ZBBX: variants seen among roughly 807,000 people sequenced by gnomAD.
ZBBX encodes the protein zinc finger B-box domain-containing protein 1.
Under a neutral mutation model 108.5 loss-of-function variants are expected in ZBBX, and 101 were observed. The observed-to-expected ratio is 0.93, with a 90% CI of 0.79 to 1.10. The LOEUF (loss-of-function observed/expected upper bound fraction) is 1.10. ZBBX is among the 50% of genes least tolerant of loss of function. The pLI, the probability that ZBBX is intolerant of heterozygous loss-of-function variation, is 0.00. For missense variants in ZBBX, 1,009 were observed against 941.4 expected, an observed-to-expected ratio of 1.07 and a Z score of -0.94; for synonymous variants, 356 against 323.4, an observed-to-expected ratio of 1.10 and a Z score of -1.08.
At chr3:167,406,680 TGGACGTAGCTA>T (rs1457568499) in intron 1 of ZBBX, among the ~76,000 whole-genome samples, 32 of 152,330 alleles carry the variant, frequency 2.1e-4, no homozygotes, top group African/African-American at 7.5e-4. Flanking sequence ...TTGAACACCA[TGGACGTAGCTA>T]GGAAAGTAGT....
chr3:167,348,367 A>AGAAAGAAAGAAG (rs1742027352), intron 9 of ZBBX, among the ~76,000 whole-genome samples: 1 of 148,638 alleles, frequency 6.7e-6, no homozygotes. Context: ...AAAGAAAGAA[A>AGAAAGAAAGAAG]GAAAAAAAAG....
chr3:167,383,914 G>A (rs901854842), upstream of ZBBX, among the ~76,000 whole-genome samples: 4 of 151,992 alleles, frequency 2.6e-5, no homozygotes, highest in East Asian at 7.7e-4. Context: ...AAAAAGAATG[G>A]GAGCATTACA....
At chr3:167,312,899 T>C (rs954954101) in intron 16 of ZBBX, among the ~76,000 whole-genome samples, 4 of 152,214 alleles carry the variant, frequency 2.6e-5, no homozygotes, top group African/African-American at 9.6e-5. Context: ...TTTACAACTA[T>C]TTATTTCAAA....
At chr3:167,290,941 C>A (rs1560079474) in intron 18 of ZBBX, among the ~76,000 whole-genome samples, 1 of 151,622 alleles carries the variant, frequency 6.6e-6, no homozygotes, top group African/African-American at 2.4e-5. Flanking sequence ...ATAGATCAAG[C>A]GGAAGAAAGT....
At chr3:167,231,846 T>C in the ZBBX span, among the ~76,000 whole-genome samples, 1 of 151,816 alleles carries the variant, frequency 6.6e-6, no homozygotes, top group Non-Finnish European at 1.5e-5. Flanking sequence ...ACAGTTGGAA[T>C]TCCATAAAGA....
intron 1 of ZBBX, among the ~76,000 whole-genome samples, chr3:167,407,150 T>C (rs1209371032): frequency 2.0e-5 from 3 of 152,088 alleles, no homozygotes; most frequent in Non-Finnish European, 4.4e-5. Context: ...TTCAAAAACC[T>C]CAAATGAATA....
At chr3:167,290,237 TC>T (rs758949892) in intron 18 of ZBBX, among the ~76,000 whole-genome samples, 110 of 152,136 alleles carry the variant, frequency 7.2e-4, no homozygotes, top group Middle Eastern at 3.2e-3. Context: ...TCAGACTGCC[TC>T]CTCAAGTGTA....
At chr3:167,208,251 A>C in the ZBBX span, among the ~76,000 whole-genome samples, 3 of 152,206 alleles carry the variant, frequency 2.0e-5, no homozygotes, top group Admixed American at 1.3e-4. Context: ...AGGACTGCAA[A>C]TCCTGGGCCA....
At chr3:167,231,103 A>G in the ZBBX span, among the ~76,000 whole-genome samples, 1 of 151,818 alleles carries the variant, frequency 6.6e-6, no homozygotes, top group African/African-American at 2.4e-5. Flanking sequence ...CCAAAGGAAA[A>G]GCCAGTTTGC....
In ZBBX at chr3:167,281,685, A is replaced by C. The variant is rs182442678; in HGVS notation, c.2254+553T>G. Among the ~76,000 whole-genome samples the C allele has an allele frequency of 7.9e-5, 12 of 152,308 alleles. 1 individual carries two copies. In the East Asian group the frequency reaches 2.3e-3, roughly 29 times the overall value. ...CACTTAAGTTGGAAATAAAATGCGCAAGTATAATTTTTCAAGATGTGGTTT... is the reference window on the plus strand; with the variant it reads ...CACTTAAGTTGGAAATAAAATGCGCCAGTATAATTTTTCAAGATGTGGTTT... On this transcript the variant is annotated intron_variant, in intron 20 of 21. Transcript: ENST00000675490.
At chr3:167,278,626 A>C (rs1047865528) in intron 20 of ZBBX, among the ~76,000 whole-genome samples, 5 of 151,624 alleles carry the variant, frequency 3.3e-5, no homozygotes, top group African/African-American at 1.2e-4. Flanking sequence ...TCAACCAAAA[A>C]GAGTCCAGGA....
intron 16 of ZBBX, among the ~76,000 whole-genome samples, chr3:167,312,247 T>TA (rs754370622): frequency 8.5e-4 from 129 of 152,078 alleles, no homozygotes; most frequent in South Asian, 3.3e-3. Flanking sequence ...ATGAGGACAG[T>TA]AAAAAAAATC....
intron 8 of ZBBX, among the ~76,000 whole-genome samples, chr3:167,354,797 A>G (rs556144071): frequency 1.4e-4 from 21 of 152,096 alleles, no homozygotes; most frequent in African/African-American, 5.1e-4. Flanking sequence ...GAGTTTCAGC[A>G]TATAATTCTA....
At chr3:167,392,974 G>A (rs1228528269) in intron 1 of ZBBX, 2 of 151,792 alleles carry the variant, frequency 1.3e-5, no homozygotes, top group Non-Finnish European at 2.9e-5. Context: ...GCCATGGGAT[G>A]GAATGAGGAA....
intron 18 of ZBBX, among the ~76,000 whole-genome samples, chr3:167,292,655 G>A (rs1400494250): frequency 1.3e-5 from 2 of 152,022 alleles, no homozygotes; most frequent in African/African-American, 4.8e-5. Flanking sequence ...AAAAGCAAGA[G>A]CAAACAAATG....
intron 4 of ZBBX, among the ~76,000 whole-genome samples, chr3:167,371,161 G>T (rs1013710140): frequency 6.6e-6 from 1 of 152,164 alleles, no homozygotes; most frequent in African/African-American, 2.4e-5. Flanking sequence ...AGACGTACAG[G>T]CCAGGGAATA....
upstream of ZBBX, among the ~76,000 whole-genome samples, chr3:167,385,191 T>C (rs1577141957): frequency 6.6e-6 from 1 of 152,088 alleles, no homozygotes; most frequent in South Asian, 2.1e-4. Flanking sequence ...CTAGATGTTA[T>C]ACACCTAGGC....
the ZBBX span, among the ~76,000 whole-genome samples, chr3:167,212,876 T>A: frequency 6.6e-6 from 1 of 152,098 alleles, no homozygotes; most frequent in Admixed American, 6.5e-5. Context: ...ACCTGACCAA[T>A]AAGCCTAAGT....
intron 20 of ZBBX, chr3:167,248,509 G>T: frequency 3.1e-6 from 1 of 327,796 alleles, no homozygotes; most frequent in Non-Finnish European, 6.4e-6. Context: ...TTTCTAATAG[G>T]GAAGTTAACA....
Sources: allele counts gnomAD v4.1 joint callset (sites outside exome capture counted in the v4.1 genomes callset), GRCh38; gene constraint gnomAD v4.1.1; transcripts MANE v1.5; gene names NCBI Gene and HGNC (gene_info 2026-07-23, HGNC 2026-07-21).